The following KCNC4 variants were observed in gnomAD, a reference collection of about 807,000 sequenced individuals.
KCNC4 encodes the protein voltage-gated potassium channel KCNC4.
In KCNC4, 23 loss-of-function variants were observed where a neutral mutation model predicts 42.8. The ratio of observed to expected loss-of-function variants is 0.54; its 90% CI spans 0.39 to 0.76. The LOEUF (loss-of-function observed/expected upper bound fraction) is 0.76. Ranked by LOEUF, KCNC4 falls within the 30% of genes least tolerant of loss-of-function variation. The probability of loss-of-function intolerance (pLI) is 0.00; values close to 1 mark genes in which losing one functional copy is unlikely to be tolerated. For synonymous variants in KCNC4, 422 were observed against 393.5 expected (o/e 1.07, Z -0.86); for missense variants, 751 against 898.2 (o/e 0.84, Z 2.10).
intron 1 of KCNC4, among the ~76,000 whole-genome samples, chr1:110,280,504 T>C (rs1003118367): frequency 6.6e-6 from 1 of 151,982 alleles, no homozygotes; most frequent in Non-Finnish European, 1.5e-5. Context: ...GTCCTCAGTC[T>C]ACAACTCTGC....
intron 1 of KCNC4, among the ~76,000 whole-genome samples, chr1:110,217,573 G>A (rs757962644): frequency 2.4e-4 from 36 of 152,240 alleles, no homozygotes; most frequent in Non-Finnish European, 3.2e-4. Context: ...ATAGTGATCC[G>A]GGCTAGACTG....
exon 4 of KCNC4, chr1:110,246,419 G>A (rs1380906782): frequency 6.6e-6 from 1 of 152,198 alleles, no homozygotes; most frequent in Non-Finnish European, 1.5e-5. Context: ...GATTCCTCCA[G>A]CCACAGAACA....
intron 1 of KCNC4, 53 bp downstream of exon 1, chr1:110,212,230 G>A (rs1158351569): frequency 5.1e-6 from 7 of 1,383,506 alleles, no homozygotes; most frequent in Non-Finnish European, 9.3e-7. Flanking sequence ...GGGGTCCGTG[G>A]TGGGTGGTGG....
chr1:110,267,995 C>A (rs774563587), intron 1 of KCNC4, among the ~76,000 whole-genome samples: 9 of 152,136 alleles, frequency 5.9e-5, no homozygotes, highest in Non-Finnish European at 1.0e-4. Flanking sequence ...ACTTAGCATG[C>A]TTTTCTAGAA....
At chr1:110,251,403 T>C (rs187233606), downstream of KCNC4, among the ~76,000 whole-genome samples, 121 of 152,058 alleles carry the variant, frequency 8.0e-4, no homozygotes, top group Non-Finnish European at 1.1e-3. Flanking sequence ...TAAAGGGGAG[T>C]TCCCCTGCAC....
At chr1:110,215,004 T>C (rs1013024616) in intron 1 of KCNC4, among the ~76,000 whole-genome samples, 1 of 152,190 alleles carries the variant, frequency 6.6e-6, no homozygotes, top group African/African-American at 2.4e-5. Flanking sequence ...CTTCCCTCGC[T>C]CACAGCTACC....
intron 1 of KCNC4, chr1:110,222,574 A>C (rs1033908900): frequency 9.6e-6 from 2 of 209,290 alleles, no homozygotes; most frequent in African/African-American, 4.5e-5. Context: ...ACAAATGCAG[A>C]ATCACAGGAC....
At chr1:110,232,643 T>C in intron 3 of KCNC4, 1 of 1,443,736 alleles carries the variant, frequency 6.9e-7, no homozygotes, top group Non-Finnish European at 9.1e-7. Context: ...AGAGTTGGGT[T>C]GGCAGAGGGG....
chr1:110,278,059 A>C (rs1247646765), intron 1 of KCNC4, among the ~76,000 whole-genome samples: 1 of 152,100 alleles, frequency 6.6e-6, no homozygotes, highest in African/African-American at 2.4e-5. Flanking sequence ...AGGCAGAAGG[A>C]TCACCTGAGC....
exon 4 of KCNC4, chr1:110,241,798 TC>T (rs1659039758): frequency 6.6e-6 from 1 of 152,220 alleles, no homozygotes; most frequent in South Asian, 2.1e-4. Flanking sequence ...TCCTTTATGC[TC>T]TCACAGAACC....
chr1:110,232,870 C>G (rs531326503), intron 3 of KCNC4, 41 bp from the exon 4 acceptor site: 4 of 1,588,434 alleles, frequency 2.5e-6, no homozygotes, highest in Middle Eastern at 1.7e-4. Context: ...GAGCCGAAAG[C>G]GTGCGTCCCA....
At chr1:110,280,491 C>T (rs1052457629) in intron 1 of KCNC4, among the ~76,000 whole-genome samples, 3 of 152,068 alleles carry the variant, frequency 2.0e-5, no homozygotes, top group African/African-American at 7.2e-5. Flanking sequence ...GGATAGGAAA[C>T]AGGTCCTCAG....
At position 110,210,674 on chromosome 1, in the gene KCNC4, C is replaced by T. The variant is rs1657385341; in HGVS notation, c.-826C>T. On this transcript the variant is annotated 5_prime_UTR_variant, in exon 1 of 4. In the 5' UTR this introduces an upstream ATG that the reference lacks. Coordinates refer to ENST00000438661, the MANE Select transcript of KCNC4 (RefSeq NM_001039574.3). ...CCCCCAGGCTCGGCGCCGCGCAGGACGCCCCGTCTGAGGCACCCCCGCCCC... is the reference window on the plus strand; with the variant it reads ...CCCCCAGGCTCGGCGCCGCGCAGGATGCCCCGTCTGAGGCACCCCCGCCCC... 6.6e-6 allele frequency among the ~76,000 whole-genome samples: 1 copy of T among 151,192 alleles called. No individual in the cohort carries two copies. The highest frequency in any genetic ancestry group is 2.4e-5 in the African/African-American group (1 of 41,300).
At chr1:110,225,163 C>T (rs544977200) in intron 2 of KCNC4, 1 of 152,350 alleles carries the variant, frequency 6.6e-6, no homozygotes, top group South Asian at 2.1e-4. Flanking sequence ...CGTAGAAGTC[C>T]TTAGGTCAGC....
At chr1:110,228,355 A>T (rs968060088) in intron 3 of KCNC4, among the ~76,000 whole-genome samples, 22 of 152,114 alleles carry the variant, frequency 1.4e-4, no homozygotes, top group African/African-American at 5.3e-4. Context: ...GACAAAAGTC[A>T]GCTGGGTGTG....
intron 1 of KCNC4, among the ~76,000 whole-genome samples, chr1:110,215,375 C>T (rs1195444999): frequency 1.3e-5 from 2 of 152,198 alleles, no homozygotes; most frequent in African/African-American, 4.8e-5. Flanking sequence ...GGAGACTTCA[C>T]AGCCTCAGGG....
chr1:110,223,861 C>T lies in KCNC4; in HGVS notation c.1576C>T (p.Pro526Ser), dbSNP rs574096948. ...RDSTCSDTSP[P>S]AREEGMIERK... ...CAGCACCTGCAGTGATACCAGCCCC[C>T]CTGCCCGGGAAGAGGGTATGATCGA... Residue 526 changes from proline (P) to serine (S), a missense_variant, in exon 2 of 4, where the codon CCT (proline) becomes TCT (serine). By Grantham distance (74) the Pro-to-Ser change is moderately conservative (BLOSUM62 -1). Transcript: ENST00000438661. The surrounding 1 kb of genome is among the most constrained non-coding windows in gnomAD (Gnocchi z 7.5). 2.0e-5 allele frequency: 32 copies of T among 1,604,888 alleles called. 1 individual carries two copies. In the South Asian group the frequency reaches 2.7e-4, roughly 13 times the overall value.
At chr1:110,271,116 C>A (rs1659626722) in intron 1 of KCNC4, among the ~76,000 whole-genome samples, 1 of 152,138 alleles carries the variant, frequency 6.6e-6, no homozygotes, top group Non-Finnish European at 1.5e-5. Flanking sequence ...TGTGAACTGG[C>A]AAGGGCTAGA....
chr1:110,253,508 A>G (rs1158371974), downstream of KCNC4, among the ~76,000 whole-genome samples: 2 of 152,220 alleles, frequency 1.3e-5, no homozygotes, highest in East Asian at 1.9e-4. Flanking sequence ...AAGCATTTGA[A>G]TGTCCCCTGT....
Sources: allele counts gnomAD v4.1 joint callset (sites outside exome capture counted in the v4.1 genomes callset), GRCh38; gene constraint gnomAD v4.1.1; non-coding constraint Gnocchi (gnomAD v3.1); transcripts MANE v1.5; gene names NCBI Gene and HGNC (gene_info 2026-07-23, HGNC 2026-07-21).